TMX2: variants seen among roughly 807,000 people sequenced by gnomAD.
The protein encoded by TMX2 is thioredoxin related transmembrane protein 2.
TMX2 carries 20 observed loss-of-function variants against 33.4 expected under a neutral mutation model. The observed-to-expected ratio is 0.60, with a 90% CI of 0.42 to 0.87. The LOEUF (loss-of-function observed/expected upper bound fraction) is 0.87, where lower values mean the gene tolerates loss of function less well. Ranked by LOEUF, TMX2 falls within the 40% of genes least tolerant of loss-of-function variation. TMX2 has a pLI of 0.00. For missense variants in TMX2, 340 were observed against 370.7 expected (o/e 0.92, Z 0.68); for synonymous variants, 166 against 140.7 (o/e 1.18, Z -1.27).
At chr11:57,715,581 G>GTTTTTTT in intron 1 of TMX2, among the ~76,000 whole-genome samples, 1 of 82,970 alleles carries the variant, frequency 1.2e-5, no homozygotes, top group East Asian at 5.0e-4. Flanking sequence ...CTTAGAATTT[G>GTTTTTTT]TTTTCTTTTT....
At chr11:57,739,079 C>T in intron 6 of TMX2, 40 bp downstream of exon 6, 2 of 1,614,202 alleles carry the variant, frequency 1.2e-6, no homozygotes, top group Non-Finnish European at 1.7e-6. Context: ...GCAGGGAAAT[C>T]ACTTTGAGTG....
chr11:57,716,103 C>T (rs1044474785), intron 1 of TMX2, among the ~76,000 whole-genome samples: 1 of 152,114 alleles, frequency 6.6e-6, no homozygotes, highest in African/African-American at 2.4e-5. Context: ...TTGGGTACAC[C>T]TCCCAGACGG....
chr11:57,729,854 T>C lies in TMX2; in HGVS notation c.190-7754T>C, dbSNP rs531125626. 1.8e-4 allele frequency among the ~76,000 whole-genome samples: 27 copies of C among 151,072 alleles called. No homozygotes were observed. In the South Asian group the frequency reaches 4.8e-3, roughly 27 times the overall value. ...AGGGCGCAGTGGCTCACGCCTGTAA[T>C]CCCAGCACTTTTGGGAGGCCGAGAC... is the stretch of plus-strand genomic sequence containing the variant. On this transcript the variant is annotated intron_variant, in intron 1 of 7. Transcript: ENST00000278422.
chr11:57,714,192 C>T (rs919113123), intron 1 of TMX2, among the ~76,000 whole-genome samples: 4 of 152,112 alleles, frequency 2.6e-5, no homozygotes, highest in African/African-American at 7.2e-5. Flanking sequence ...AGAGAGAAAT[C>T]GGGCTAGTAA....
intron 1 of TMX2, among the ~76,000 whole-genome samples, chr11:57,736,697 G>A (rs981602363): frequency 7.2e-5 from 11 of 151,906 alleles, no homozygotes; most frequent in African/African-American, 2.4e-4. Flanking sequence ...ATACCAGCCC[G>A]GGCAACATGG....
chr11:57,738,246 T>A, intron 3 of TMX2, 108 bp from the exon 4 acceptor site: 1 of 853,498 alleles, frequency 1.2e-6, no homozygotes, highest in South Asian at 1.5e-5. Flanking sequence ...TCTACATATA[T>A]CCACAAGTGT....
rs1430299657 is a variant in TMX2 at position 57,739,327 on chromosome 11, G to A, written c.744+67G>A. The stretch of plus-strand genomic sequence containing the variant: ...GTAGGTGGGCTTTCAAGCCCTACCC[G>A]GGTTTGATTCACAGCTCTGCCACTT... On this transcript the variant is annotated intron_variant, in intron 7 of 7. Transcript: ENST00000278422. 8 of 1,574,730 alleles carry A rather than the reference G, an allele frequency of 5.1e-6. No individual in the cohort carries two copies. The South Asian group carries it at 8.9e-5, about 18-fold the overall frequency.
chr11:57,719,792 ATAGGCATGAAC>A (rs908335148), intron 1 of TMX2, among the ~76,000 whole-genome samples: 2 of 152,032 alleles, frequency 1.3e-5, no homozygotes. Context: ...TGCTGGGACT[ATAGGCATGAAC>A]TACTGCACCC....
intron 1 of TMX2, among the ~76,000 whole-genome samples, chr11:57,737,201 C>T (rs1948801739): frequency 6.6e-6 from 1 of 152,128 alleles, no homozygotes; most frequent in African/African-American, 2.4e-5. Context: ...TGGTGGATCA[C>T]CTGAGGTCAG....
intron 1 of TMX2, 71 bp from the exon 2 acceptor site, chr11:57,737,533 ATATT>A: frequency 1.6e-6 from 2 of 1,258,012 alleles, no homozygotes; most frequent in Admixed American, 1.7e-5. Flanking sequence ...TTTTTATTAC[ATATT>A]TAGTTCCCTT....
At chr11:57,733,582 C>G (rs922871298) in intron 1 of TMX2, among the ~76,000 whole-genome samples, 1 of 151,300 alleles carries the variant, frequency 6.6e-6, no homozygotes, top group Non-Finnish European at 1.5e-5. Context: ...ACAGATGAAA[C>G]GATATAGCTG....
chr11:57,739,770 T>C (rs1049623522), intron 7 of TMX2, among the ~76,000 whole-genome samples: 1 of 151,876 alleles, frequency 6.6e-6, no homozygotes, highest in South Asian at 2.1e-4. Context: ...AAAAAAAAGA[T>C]TCTGTCTCGA....
At chr11:57,718,058 A>C in intron 1 of TMX2, 2 of 1,224,810 alleles carry the variant, frequency 1.6e-6, no homozygotes, top group South Asian at 2.4e-5. Flanking sequence ...ATCCACAGTC[A>C]GCAATGGTGA....
At chr11:57,736,141 G>C (rs1362440669) in intron 1 of TMX2, among the ~76,000 whole-genome samples, 2 of 152,142 alleles carry the variant, frequency 1.3e-5, no homozygotes, top group African/African-American at 4.8e-5. Flanking sequence ...TCAAGAAGGA[G>C]TCTGTTCAGT....
Position 57,739,270 on chromosome 11 carries a change from A to G in TMX2, c.744+10A>G. 6.2e-7 allele frequency: 1 copy of G among 1,614,072 alleles called. No homozygotes were observed. Among genetic ancestry groups the G allele is most frequent in the Non-Finnish European group, 8.5e-7 (1 of 1,180,016 alleles). On this transcript the variant is annotated intron_variant, in intron 7 of 7. Coordinates refer to ENST00000278422, the MANE Select transcript of TMX2 (RefSeq NM_015959.4). ...ATGGACCTTCTCTGAGGTACCTGAA[A>G]GGAAGGGCAGGTGCATGAAGGGTGC...
At chr11:57,732,396 A>G (rs183472395) in intron 1 of TMX2, among the ~76,000 whole-genome samples, 17 of 152,252 alleles carry the variant, frequency 1.1e-4, no homozygotes, top group South Asian at 4.1e-4. Flanking sequence ...TGTATAATCA[A>G]TTAGCTCAAA....
chr11:57,720,688 G>A (rs480933), intron 1 of TMX2, among the ~76,000 whole-genome samples: 41,774 of 152,200 alleles, frequency 0.27, 6,838 homozygotes, highest in East Asian at 0.78. Context: ...GTGAGCCATC[G>A]TGCCTGGCCT....
intron 1 of TMX2, among the ~76,000 whole-genome samples, chr11:57,714,843 C>G (rs774511853): frequency 7.2e-5 from 11 of 152,082 alleles, no homozygotes; most frequent in Non-Finnish European, 1.6e-4. Flanking sequence ...ATCCTCCTGA[C>G]TTGGCTTCCT....
chr11:57,725,992 C>T (rs1010710987), intron 1 of TMX2, among the ~76,000 whole-genome samples: 7 of 152,118 alleles, frequency 4.6e-5, no homozygotes, highest in African/African-American at 1.4e-4. Context: ...AATATATCTA[C>T]AGATACAGAT....
Sources: allele counts gnomAD v4.1 joint callset (sites outside exome capture counted in the v4.1 genomes callset), GRCh38; gene constraint gnomAD v4.1.1; transcripts MANE v1.5; gene names NCBI Gene and HGNC (gene_info 2026-07-23, HGNC 2026-07-21).